The following SH2D4A variants were observed in gnomAD, a reference collection of about 807,000 sequenced individuals.
SH2D4A encodes SH2 domain-containing protein 4A.
In SH2D4A, 70 loss-of-function variants were observed where a neutral mutation model predicts 64.7. That is an observed-to-expected ratio of 1.08 (90% CI 0.89 to 1.32). The LOEUF (loss-of-function observed/expected upper bound fraction) is 1.32, where lower values mean the gene tolerates loss of function less well. Ranked by LOEUF, SH2D4A falls within the 40% of genes most tolerant of loss-of-function variation. SH2D4A has a pLI of 0.00. For synonymous variants in SH2D4A, 268 were observed against 200.7 expected, an observed-to-expected ratio of 1.34 and a Z score of -2.83; for missense variants, 706 against 540.1, an observed-to-expected ratio of 1.31 and a Z score of -3.04.
chr8:19,341,547 A>G (rs2052529184), intron 4 of SH2D4A, among the ~76,000 whole-genome samples: 1 of 152,162 alleles, frequency 6.6e-6, no homozygotes, highest in African/African-American at 2.4e-5. Flanking sequence ...TTCCAATGAA[A>G]GGTCATCACT....
chr8:19,329,151 C>A (rs80105209), intron 2 of SH2D4A, among the ~76,000 whole-genome samples: 1 of 152,304 alleles, frequency 6.6e-6, no homozygotes, highest in East Asian at 1.9e-4. Flanking sequence ...CATCCAGCGT[C>A]AAACACACCC....
chr8:19,349,751 G>A (rs7837429), intron 4 of SH2D4A, among the ~76,000 whole-genome samples: 2 of 152,320 alleles, frequency 1.3e-5, no homozygotes, highest in South Asian at 4.1e-4. Context: ...GTTTTCTATT[G>A]TTGTTATTAT....
chr8:19,350,376 T>C (rs1223514633), intron 4 of SH2D4A, among the ~76,000 whole-genome samples: 1 of 152,238 alleles, frequency 6.6e-6, no homozygotes, highest in Non-Finnish European at 1.5e-5. Context: ...GATGGTGCAA[T>C]AGGAGTCAGC....
intron 4 of SH2D4A, among the ~76,000 whole-genome samples, chr8:19,339,486 A>G (rs1231419713): frequency 8.4e-5 from 12 of 142,708 alleles, no homozygotes; most frequent in African/African-American, 3.1e-4. Context: ...CCTCTTCCCT[A>G]TAAACTTTCT....
rs553232206 is a variant in SH2D4A, at chr8:19,376,246, C to G, written c.1048+2586C>G. Among the ~76,000 whole-genome samples the G allele has an allele frequency of 3.9e-5, 6 of 152,246 alleles. No homozygotes were observed. The South Asian group carries it at 6.2e-4, about 16-fold the overall frequency. On this transcript the variant is annotated intron_variant, in intron 8 of 9. Coordinates refer to ENST00000265807, the MANE Select transcript of SH2D4A (RefSeq NM_022071.4). ...TGCTCAGGGGGAGGTCAGCCTTTGACGTAGGAAGGCCTTCAACTGACTGGA... is the reference window on the plus strand; with the variant it reads ...TGCTCAGGGGGAGGTCAGCCTTTGAGGTAGGAAGGCCTTCAACTGACTGGA...
chr8:19,351,004 G>A (rs970096313), intron 4 of SH2D4A, among the ~76,000 whole-genome samples: 1 of 152,046 alleles, frequency 6.6e-6, no homozygotes, highest in African/African-American at 2.4e-5. Flanking sequence ...AAAATTTACT[G>A]TCCCGCTTTT....
intron 8 of SH2D4A, among the ~76,000 whole-genome samples, chr8:19,378,819 G>T (rs1246034192): frequency 6.6e-6 from 1 of 151,348 alleles, no homozygotes; most frequent in African/African-American, 2.4e-5. Flanking sequence ...GCCAAGGAAG[G>T]CGGATCCTTT....
chr8:19,320,576 A>C (rs2052171430), intron 2 of SH2D4A, among the ~76,000 whole-genome samples: 1 of 147,794 alleles, frequency 6.8e-6, no homozygotes, highest in African/African-American at 2.5e-5. Flanking sequence ...CTGAACTGAA[A>C]TCACACCTCT....
chr8:19,366,986 T>C (rs1025644719), intron 7 of SH2D4A, among the ~76,000 whole-genome samples: 2 of 152,214 alleles, frequency 1.3e-5, no homozygotes, highest in African/African-American at 4.8e-5. Flanking sequence ...ATACCGTTGT[T>C]TATGATGGTA....
chr8:19,328,276 C>G (rs374818066), intron 2 of SH2D4A, among the ~76,000 whole-genome samples: 2 of 152,130 alleles, frequency 1.3e-5, no homozygotes, highest in Non-Finnish European at 2.9e-5. Flanking sequence ...GACTCCAATT[C>G]TGGATTCCAG....
chr8:19,380,516 T>G (rs1413595601), intron 8 of SH2D4A, among the ~76,000 whole-genome samples: 1 of 152,200 alleles, frequency 6.6e-6, no homozygotes, highest in Non-Finnish European at 1.5e-5. Context: ...GTCTTACATT[T>G]AAGTCTTTGA....
At chr8:19,361,451 T>C in intron 6 of SH2D4A, 137 bp downstream of exon 6, 7 of 831,954 alleles carry the variant, frequency 8.4e-6, no homozygotes, top group Non-Finnish European at 1.0e-5. Context: ...TCAAATGTTA[T>C]TACTAACTTA....
intron 2 of SH2D4A, among the ~76,000 whole-genome samples, chr8:19,325,909 G>C (rs73599050): frequency 2.6e-5 from 4 of 152,108 alleles, no homozygotes; most frequent in Non-Finnish European, 5.9e-5. Context: ...AAATGAATAC[G>C]GGGCTAGACC....
chr8:19,378,357 A>C (rs1471336261), intron 8 of SH2D4A, among the ~76,000 whole-genome samples: 1 of 152,122 alleles, frequency 6.6e-6, no homozygotes, highest in African/African-American at 2.4e-5. Flanking sequence ...TTATTTTTGC[A>C]TAGAATAGAC....
Position 19,393,559 on chromosome 8 carries a change from C to G in SH2D4A, c.1272+18C>G. ...ATCACAAGGTGAAGCAATGCATAAA[C>G]TTAATTTGCCTTCTGAGTTACTGTC... On this transcript the variant is annotated intron_variant, in intron 9 of 9. Transcript: ENST00000265807. The G allele has an allele frequency of 6.2e-7, 1 of 1,610,712 alleles. No individual in the cohort carries two copies. Among genetic ancestry groups the G allele is most frequent in the Non-Finnish European group, 8.5e-7 (1 of 1,177,702 alleles).
At chr8:19,364,871 T>C (rs1170278801) in intron 7 of SH2D4A, among the ~76,000 whole-genome samples, 7 of 152,230 alleles carry the variant, frequency 4.6e-5, no homozygotes, top group African/African-American at 1.7e-4. Context: ...TACCATTGTC[T>C]GCTAGGCTGT....
chr8:19,357,789 C>A (rs934106188), intron 5 of SH2D4A, among the ~76,000 whole-genome samples: 1 of 152,188 alleles, frequency 6.6e-6, no homozygotes, highest in African/African-American at 2.4e-5. Context: ...CTGCTTCCTC[C>A]GTCGTGTGAG....
chr8:19,375,975 A>G (rs112219558), intron 8 of SH2D4A, among the ~76,000 whole-genome samples: 1 of 152,012 alleles, frequency 6.6e-6, no homozygotes, highest in Admixed American at 6.6e-5. Context: ...AAGCCACTGT[A>G]CCTGCCTCGG....
At chr8:19,380,448 A>C (rs1208203864) in intron 8 of SH2D4A, among the ~76,000 whole-genome samples, 3 of 152,158 alleles carry the variant, frequency 2.0e-5, no homozygotes, top group African/African-American at 4.8e-5. Context: ...ATCACTGCCA[A>C]ATCCAATGTT....
Sources: allele counts gnomAD v4.1 joint callset (sites outside exome capture counted in the v4.1 genomes callset), GRCh38; gene constraint gnomAD v4.1.1; transcripts MANE v1.5; gene names NCBI Gene and HGNC (gene_info 2026-07-23, HGNC 2026-07-21).